LRSAM1: variants seen among roughly 807,000 people sequenced by gnomAD.
LRSAM1 encodes leucine rich repeat and sterile alpha motif containing 1.
A neutral mutation model predicts 118.1 loss-of-function variants in LRSAM1; 96 were observed. The observed-to-expected ratio is 0.81, with a 90% CI of 0.69 to 0.96. The LOEUF is 0.96. LRSAM1 is among the 40% of genes least tolerant of loss of function. The pLI, the probability that LRSAM1 is intolerant of heterozygous loss-of-function variation, is 0.00. For synonymous variants in LRSAM1, 322 were observed against 364.2 expected, an observed-to-expected ratio of 0.88 and a Z score of 1.32; for missense variants, 804 against 915.5, an observed-to-expected ratio of 0.88 and a Z score of 1.57.
intron 8 of LRSAM1, among the ~76,000 whole-genome samples, chr9:127,461,578 C>T (rs572826037): frequency 1.3e-5 from 2 of 152,292 alleles, no homozygotes; most frequent in South Asian, 2.1e-4. Flanking sequence ...CCTAAGGAGC[C>T]GCAGTAAGGT....
intron 7 of LRSAM1, 30 bp from the exon 8 acceptor site, chr9:127,461,143 T>A: frequency 6.3e-7 from 1 of 1,582,636 alleles, no homozygotes; most frequent in Non-Finnish European, 8.7e-7. Context: ...CATAAGCCAC[T>A]GCGCCTGGCT....
chr9:127,452,779 T>G (rs911775825), intron 2 of LRSAM1, among the ~76,000 whole-genome samples: 5 of 152,222 alleles, frequency 3.3e-5, no homozygotes, highest in African/African-American at 1.2e-4. Context: ...AACCCAGTTC[T>G]CTTTTCATCC....
intron 19 of LRSAM1, among the ~76,000 whole-genome samples, chr9:127,490,247 TTTC>T (rs547314101): frequency 0.01 from 210 of 20,546 alleles, 3 homozygotes; most frequent in Admixed American, 0.073. Context: ...TTTCTCTATT[TTTC>T]TTTCTTTCTT....
chr9:127,462,519 G>A, intron 9 of LRSAM1, 146 bp downstream of exon 9: 1 of 1,246,312 alleles, frequency 8.0e-7, no homozygotes, highest in Non-Finnish European at 1.2e-6. Flanking sequence ...TTGTAGAGAG[G>A]CCAATGTGTG....
chr9:127,479,569 G>T, intron 13 of LRSAM1, 64 bp downstream of exon 13: 7 of 1,605,352 alleles, frequency 4.4e-6, no homozygotes, highest in Non-Finnish European at 5.9e-6. Flanking sequence ...CTCCTGGCTT[G>T]GGCCAAGGTC....
At chr9:127,495,772 A>G (rs1836110316) in intron 22 of LRSAM1, among the ~76,000 whole-genome samples, 192 bp from the exon 23 acceptor site, 1 of 152,218 alleles carries the variant, frequency 6.6e-6, no homozygotes, top group Non-Finnish European at 1.5e-5. Context: ...TCAGGTTTGC[A>G]GACAGAGCGG....
rs553074777 is a variant in LRSAM1 at position 127,454,532 on chromosome 9, C to T, written c.5C>T (p.Pro2Leu). Residue 2 changes from proline to leucine, a missense_variant, in exon 3 of 26, where the codon CCG (proline) becomes CTG (leucine). Transcript: ENST00000300417. M[P>L]LFFRKRKPSE... ...TCGCTCTGGGAAAAGGGAAGGATGC[C>T]GCTCTTCTTCCGGAAGCGGAAACCC... 9 of 1,614,100 alleles carry T rather than the reference C, an allele frequency of 5.6e-6. No homozygotes were observed. Among genetic ancestry groups the T allele is most frequent in the East Asian group, 4.5e-5 (2 of 44,890 alleles).
intron 10 of LRSAM1, among the ~76,000 whole-genome samples, chr9:127,469,452 A>G (rs896732792): frequency 1.3e-5 from 2 of 152,008 alleles, no homozygotes; most frequent in African/African-American, 4.8e-5. Context: ...TCTGGATGAC[A>G]GAGCAAAACT....
In LRSAM1 at chr9:127,465,004, CG is replaced by C. The variant is rs2132021680; in HGVS notation, c.528+2633del. On this transcript the variant is annotated intron_variant, in intron 9 of 25. Coordinates refer to ENST00000300417, the MANE Select transcript of LRSAM1 (RefSeq NM_001005373.4). This position sits in a 1 kb window ranked among gnomAD's most constrained non-coding sequence, Gnocchi z 4.1. The stretch of plus-strand genomic sequence containing the variant: ...TCTTTTGGGTTTCTTGGTGGCACCT[CG>C]GACAAACCTTCTTTTAGGATGAGAT... Among the ~76,000 whole-genome samples, 1 of 151,998 alleles carries C rather than the reference CG, an allele frequency of 6.6e-6. No individual in the cohort carries two copies. The highest frequency in any genetic ancestry group is 6.6e-5 in the Admixed American group (1 of 15,244).
At chr9:127,454,347 T>C in intron 2 of LRSAM1, 149 bp from the exon 3 acceptor site, 1 of 696,066 alleles carries the variant, frequency 1.4e-6, no homozygotes, top group Non-Finnish European at 2.6e-6. Context: ...GCTGCCTCCG[T>C]GGAACTCACT....
rs944586269 is a variant in LRSAM1, at chr9:127,465,730, T to C, written c.529-2010T>C. On this transcript the variant is annotated intron_variant, in intron 9 of 25. Coordinates refer to ENST00000300417, the MANE Select transcript of LRSAM1 (RefSeq NM_001005373.4). The surrounding 1 kb of genome is among the most constrained non-coding windows in gnomAD (Gnocchi z 4.1). ...AGCAAAATCAGAGCTTCCCAGGCCT[T>C]CTCCTTTTCCAGGACTCCCCTGATA... 9.9e-5 allele frequency among the ~76,000 whole-genome samples: 15 copies of C among 152,266 alleles called. No homozygotes were observed. Among genetic ancestry groups the C allele is most frequent in the Non-Finnish European group, 5.9e-5 (4 of 68,016 alleles).
At chr9:127,466,325 T>C (rs1588105397) in intron 9 of LRSAM1, among the ~76,000 whole-genome samples, 1 of 151,672 alleles carries the variant, frequency 6.6e-6, no homozygotes, top group East Asian at 1.9e-4. Context: ...GTAATAATAA[T>C]AGCATTTCAT....
chr9:127,466,492 A>T (rs1167553737), intron 9 of LRSAM1, among the ~76,000 whole-genome samples: 2 of 13,400 alleles, frequency 1.5e-4, no homozygotes, highest in African/African-American at 3.0e-4. Flanking sequence ...ATATATATAT[A>T]TATATATATA....
Position 127,465,920 on chromosome 9 carries a change from A to G in LRSAM1, c.529-1820A>G, listed in dbSNP as rs1238691921. On this transcript the variant is annotated intron_variant, in intron 9 of 25. Coordinates refer to ENST00000300417, the MANE Select transcript of LRSAM1 (RefSeq NM_001005373.4). The surrounding 1 kb of genome is among the most constrained non-coding windows in gnomAD (Gnocchi z 4.1). ...CCCCTGCTTCCTGGGCTTCATAAAC[A>G]CGGAGGCATCTGCATGTGTGCGCTG... Among the ~76,000 whole-genome samples, 2 of 152,176 alleles carry G rather than the reference A, an allele frequency of 1.3e-5. No homozygotes were observed. Among genetic ancestry groups the G allele is most frequent in the African/African-American group, 4.8e-5 (2 of 41,436 alleles).
intron 2 of LRSAM1, chr9:127,453,690 T>G (rs1175177060): frequency 4.6e-5 from 7 of 152,496 alleles, no homozygotes; most frequent in Admixed American, 4.6e-4. Flanking sequence ...AAGGCCTCAC[T>G]ATGGGTCGGT....
At chr9:127,461,041 A>G in intron 7 of LRSAM1, 132 bp from the exon 8 acceptor site, 1 of 581,414 alleles carries the variant, frequency 1.7e-6, no homozygotes, top group South Asian at 1.4e-5. Flanking sequence ...TTTTTAGTAG[A>G]GATGGGATTT....
intron 25 of LRSAM1, among the ~76,000 whole-genome samples, 179 bp downstream of exon 25, chr9:127,501,322 G>A (rs1015919588): frequency 1.1e-4 from 17 of 151,830 alleles, no homozygotes; most frequent in Non-Finnish European, 1.9e-4. Context: ...TATGAGCTGC[G>A]CTCACATCAT....
chr9:127,480,086 C>A, intron 14 of LRSAM1, 108 bp downstream of exon 14: 1 of 1,487,210 alleles, frequency 6.7e-7, no homozygotes, highest in Non-Finnish European at 9.3e-7. Flanking sequence ...CTGCCCCGGG[C>A]TTCCCTTGTC....
In LRSAM1 at chr9:127,500,040, T is replaced by G. The variant is rs1202345043; in HGVS notation, c.1913-970T>G. Reference sequence around the variant, plus strand: ...GGAACGAGGGATAGAGTCAAGGAAGTGGGTGGCTCACGTTGCATGATAGAA... The same window carrying G: ...GGAACGAGGGATAGAGTCAAGGAAGGGGGTGGCTCACGTTGCATGATAGAA... On this transcript the variant is annotated intron_variant, in intron 24 of 25. Transcript: ENST00000300417. 2.0e-5 allele frequency among the ~76,000 whole-genome samples: 3 copies of G among 151,606 alleles called. No homozygotes were observed. The East Asian group carries it at 5.8e-4, about 29-fold the overall frequency.
Sources: allele counts gnomAD v4.1 joint callset (sites outside exome capture counted in the v4.1 genomes callset), GRCh38; gene constraint gnomAD v4.1.1; non-coding constraint Gnocchi (gnomAD v3.1); transcripts MANE v1.5; gene names NCBI Gene and HGNC (gene_info 2026-07-23, HGNC 2026-07-21).